CABIN1: variants seen among roughly 807,000 people sequenced by gnomAD.
CABIN1 encodes calcineurin binding protein 1.
Under a neutral mutation model 227.7 loss-of-function variants are expected in CABIN1, and 133 were observed. That is an observed-to-expected ratio of 0.58 (90% CI 0.51 to 0.67). CABIN1 has a LOEUF of 0.67. CABIN1 is among the 30% of genes least tolerant of loss of function. CABIN1 has a pLI of 0.00. For missense variants in CABIN1, 2,408 were observed against 2,852.5 expected, an observed-to-expected ratio of 0.84 and a Z score of 3.55; for synonymous variants, 1,086 against 1,155.1, an observed-to-expected ratio of 0.94 and a Z score of 1.21.
intron 28 of CABIN1, among the ~76,000 whole-genome samples, chr22:24,120,347 G>T (rs955932708): frequency 1.3e-5 from 2 of 152,328 alleles, no homozygotes; most frequent in Admixed American, 6.5e-5. Context: ...GCTTCCAGGG[G>T]CTTCCCAGCC....
At chr22:24,166,079 G>A (rs536557750) in intron 31 of CABIN1, among the ~76,000 whole-genome samples, 82 of 152,332 alleles carry the variant, frequency 5.4e-4, no homozygotes, top group African/African-American at 1.9e-3. Context: ...GGGCTGTTGG[G>A]AGTTGAGCCA....
intron 26 of CABIN1, among the ~76,000 whole-genome samples, chr22:24,108,513 C>G (rs1416633468): frequency 2.0e-5 from 3 of 152,216 alleles, no homozygotes; most frequent in African/African-American, 7.2e-5. Context: ...CTGGTCAGGT[C>G]TGTGCTCCTC....
chr22:24,034,628 G>A (rs1161925511), intron 1 of CABIN1, among the ~76,000 whole-genome samples: 1 of 152,172 alleles, frequency 6.6e-6, no homozygotes, highest in Non-Finnish European at 1.5e-5. Flanking sequence ...ACACATAGGA[G>A]TGGAATTCCC....
intron 19 of CABIN1, 109 bp from the exon 20 acceptor site, chr22:24,083,119 C>A: frequency 8.9e-7 from 1 of 1,120,960 alleles, no homozygotes; most frequent in Non-Finnish European, 1.3e-6. Context: ...GACATAGCCA[C>A]CTCAGGTTAA....
chr22:24,134,374 CA>C lies in CABIN1; in HGVS notation c.4706del (p.Gln1569ArgfsTer34). 6.2e-7 allele frequency: 1 copy of C among 1,614,176 alleles called. No homozygotes were observed. The highest frequency in any genetic ancestry group is 8.5e-7 in the Non-Finnish European group (1 of 1,180,002). On this transcript the variant is annotated frameshift_variant, in exon 29 of 37. Coordinates refer to ENST00000263119, the MANE Select transcript of CABIN1 (RefSeq NM_012295.4). LOFTEE classifies it high-confidence loss of function. ...GCAACAACTGCAGCACATGCCGGCA[CA>C]GGGGCTCTTCTGCGAGAGGAACAAG... ...PWQQLQHMPA[Q>X]GLFCERNKTN...
intron 30 of CABIN1, 45 bp downstream of exon 30, chr22:24,164,608 CA>C (rs1232627539): frequency 6.3e-7 from 1 of 1,588,254 alleles, no homozygotes; most frequent in African/African-American, 1.3e-5. Context: ...CTGTGTGGGT[CA>C]GGGGCACACA....
At chr22:24,062,812 C>A in intron 13 of CABIN1, 147 bp from the exon 14 acceptor site, 1 of 795,128 alleles carries the variant, frequency 1.3e-6, no homozygotes, top group South Asian at 1.4e-5. Context: ...CTGATGCCTG[C>A]CACTCAGGGA....
chr22:24,109,274 G>C (rs889273747), intron 26 of CABIN1, among the ~76,000 whole-genome samples: 3 of 151,422 alleles, frequency 2.0e-5, no homozygotes, highest in African/African-American at 7.3e-5. Context: ...GGCTAGAGTG[G>C]AGTGCAGTGG....
intron 34 of CABIN1, chr22:24,175,844 G>A: frequency 3.5e-6 from 2 of 568,786 alleles, no homozygotes; most frequent in South Asian, 4.0e-5. Context: ...CTCAGGTGTG[G>A]CCCCACTGGG....
chr22:24,025,107 A>AT (rs2035988026), intron 1 of CABIN1, among the ~76,000 whole-genome samples: 1 of 151,666 alleles, frequency 6.6e-6, no homozygotes, highest in Admixed American at 6.6e-5. Context: ...ATTCTTTGTA[A>AT]TTTTTTTGTT....
intron 14 of CABIN1, 133 bp from the exon 15 acceptor site, chr22:24,063,902 G>T (rs928115380): frequency 1.9e-5 from 19 of 1,009,826 alleles, no homozygotes; most frequent in African/African-American, 3.2e-5. Context: ...CTTTCTTAGG[G>T]GGGTACAGTG....
intron 29 of CABIN1, among the ~76,000 whole-genome samples, chr22:24,138,129 C>CTTTTTT (rs2148277669): frequency 6.6e-6 from 1 of 152,278 alleles, no homozygotes; most frequent in African/African-American, 2.4e-5. Context: ...GGGCACGTGC[C>CTTTTTT]TTCTGTTATT....
rs2039400374 is a variant in CABIN1 at position 24,064,027 on chromosome 22, C to T, written c.1885-8C>T. On this transcript the variant is annotated splice_region_variant and splice_polypyrimidine_tract_variant and intron_variant, in intron 14 of 36. Transcript: ENST00000263119. ...TTTGGTTCCCTGACCTGTTTTCCGT[C>T]TAACCAGGGAGACATGGAGCAGGCC... 8.7e-6 allele frequency: 14 copies of T among 1,614,112 alleles called. No individual in the cohort carries two copies. Among genetic ancestry groups the T allele is most frequent in the Non-Finnish European group, 1.2e-5 (14 of 1,180,014 alleles).
intron 16 of CABIN1, 45 bp from the exon 17 acceptor site, chr22:24,070,755 G>A (rs772378636): frequency 4.3e-6 from 7 of 1,613,764 alleles, no homozygotes; most frequent in East Asian, 2.2e-5. Flanking sequence ...GGGCCCAGAT[G>A]TGCTGAGCTC....
At chr22:24,072,172 A>C (rs4822472) in intron 17 of CABIN1, among the ~76,000 whole-genome samples, 182 bp from the exon 18 acceptor site, 11,980 of 152,244 alleles carry the variant, frequency 0.079, 520 homozygotes, top group South Asian at 0.11. Flanking sequence ...ATCATTGGAC[A>C]CTATGGGTCT....
chr22:24,062,868 G>T (rs1315699485), intron 13 of CABIN1, 91 bp from the exon 14 acceptor site: 3 of 1,235,700 alleles, frequency 2.4e-6, no homozygotes, highest in Middle Eastern at 3.8e-4. Flanking sequence ...AGATAGGGTG[G>T]GTGTGGTTAG....
chr22:24,048,263 T>G lies in CABIN1; in HGVS notation c.527-828T>G, dbSNP rs116620653. On this transcript the variant is annotated intron_variant, in intron 6 of 36. Transcript: ENST00000263119. ...TAATGGAGTCACACTATGTGACCTC[T>G]TTTGTCTCCTGCTTCTTCCCAGTAC... is the stretch of plus-strand genomic sequence containing the variant. 9.4e-3 allele frequency among the ~76,000 whole-genome samples: 1,432 copies of G among 152,322 alleles called. 28 individuals carry two copies. The highest frequency in any genetic ancestry group is 0.032 in the African/African-American group (1,346 of 41,564).
intron 26 of CABIN1, among the ~76,000 whole-genome samples, chr22:24,105,350 T>C (rs2042451812): frequency 6.6e-6 from 1 of 152,244 alleles, no homozygotes; most frequent in Admixed American, 6.5e-5. Flanking sequence ...GTGGCCCAGA[T>C]GCATAGACAC....
Position 24,087,717 on chromosome 22 carries a change from A to G in CABIN1, c.3525+4A>G, listed in dbSNP as rs1435832343. 2.5e-6 allele frequency: 4 copies of G among 1,613,504 alleles called. No individual in the cohort carries two copies. In the Admixed American group the frequency reaches 6.7e-5, roughly 27 times the overall value. On this transcript the variant is annotated splice_donor_region_variant and intron_variant, in intron 23 of 36. Coordinates refer to ENST00000263119, the MANE Select transcript of CABIN1 (RefSeq NM_012295.4). ...GCCCCCTGAGCTCGTGCAGCAGGTG[A>G]GGAGGGGGTGCTGCAGATGGGCTTG...
Sources: allele counts gnomAD v4.1 joint callset (sites outside exome capture counted in the v4.1 genomes callset), GRCh38; gene constraint gnomAD v4.1.1; transcripts MANE v1.5; gene names NCBI Gene and HGNC (gene_info 2026-07-23, HGNC 2026-07-21).